Variants in S100A8 observed in about 807,000 individuals in gnomAD.
The protein encoded by S100A8 is S100 calcium binding protein A8, also known as protein S100-A8.
In S100A8, 1 loss-of-function variant was observed where a neutral mutation model predicts 4.2. The observed-to-expected ratio is 0.24, with a 90% CI of 0.08 to 1.12. The LOEUF is 1.12. S100A8 is among the 50% of genes most tolerant of loss of function. The pLI is 0.53. For synonymous variants in S100A8, 41 were observed against 44.7 expected, an observed-to-expected ratio of 0.92 and a Z score of 0.33; for missense variants, 96 against 111.8, an observed-to-expected ratio of 0.86 and a Z score of 0.64.
the S100A8 span, among the ~76,000 whole-genome samples, chr1:153,407,814 T>C: frequency 6.6e-6 from 1 of 152,210 alleles, no homozygotes; most frequent in Non-Finnish European, 1.5e-5. Flanking sequence ...TTCTGCAATA[T>C]TTGCTGTTCT....
At chr1:153,403,870 T>G in the S100A8 span, among the ~76,000 whole-genome samples, 1 of 152,128 alleles carries the variant, frequency 6.6e-6, no homozygotes, top group Non-Finnish European at 1.5e-5. Flanking sequence ...TGATCCTAAC[T>G]ACCAAGAGTT....
the S100A8 span, among the ~76,000 whole-genome samples, chr1:153,400,414 C>T: frequency 0.15 from 22,837 of 151,606 alleles, 2,035 homozygotes; most frequent in African/African-American, 0.26. Context: ...CCAGCCGGCC[C>T]CTTCTACTTG....
At chr1:153,403,965 T>G in the S100A8 span, among the ~76,000 whole-genome samples, 1 of 152,152 alleles carries the variant, frequency 6.6e-6, no homozygotes, top group African/African-American at 2.4e-5. Flanking sequence ...CCGCCCATAC[T>G]TCTGACTGAC....
At chr1:153,406,423 C>T in the S100A8 span, among the ~76,000 whole-genome samples, 1 of 152,062 alleles carries the variant, frequency 6.6e-6, no homozygotes, top group Non-Finnish European at 1.5e-5. Context: ...CGGGCTCTGT[C>T]CCACTCTACT....
At chr1:153,419,142 C>T in the S100A8 span, 4 of 1,612,346 alleles carry the variant, frequency 2.5e-6, no homozygotes, top group Non-Finnish European at 3.4e-6. Flanking sequence ...TTTCTCTTCA[C>T]AGGACAAAAA....
At chr1:153,405,145 C>A in the S100A8 span, among the ~76,000 whole-genome samples, 1 of 151,908 alleles carries the variant, frequency 6.6e-6, no homozygotes, top group Admixed American at 6.6e-5. Flanking sequence ...CCAGCCTCGT[C>A]TTAAAATTGG....
At chr1:153,418,850 C>A in the S100A8 span, among the ~76,000 whole-genome samples, 8 of 152,118 alleles carry the variant, frequency 5.3e-5, no homozygotes, top group Non-Finnish European at 7.4e-5. Flanking sequence ...TGGGAACAGG[C>A]AAGATTGAGG....
At chr1:153,392,422 A>T (rs1662121287), upstream of S100A8, among the ~76,000 whole-genome samples, 1 of 152,224 alleles carries the variant, frequency 6.6e-6, no homozygotes, top group Admixed American at 6.5e-5. Context: ...GGAAAACGGC[A>T]AGTTTGTTCC....
chr1:153,396,139 G>A, the S100A8 span, among the ~76,000 whole-genome samples: 6 of 152,338 alleles, frequency 3.9e-5, no homozygotes, highest in East Asian at 1.2e-3. Flanking sequence ...CAGAGGTGGT[G>A]TCTCTCCCAT....
chr1:153,407,867 G>A, the S100A8 span, among the ~76,000 whole-genome samples: 1 of 152,192 alleles, frequency 6.6e-6, no homozygotes, highest in Non-Finnish European at 1.5e-5. Flanking sequence ...GGTCTGGAGT[G>A]GACCTCCAGC....
chr1:153,394,573 G>A (rs527309412), upstream of S100A8, among the ~76,000 whole-genome samples: 86 of 152,296 alleles, frequency 5.6e-4, 1 homozygote, highest in African/African-American at 2.0e-3. Context: ...GCACAGTGTG[G>A]CAGAAGATGC....
At chr1:153,407,239 G>A in the S100A8 span, among the ~76,000 whole-genome samples, 33 of 152,280 alleles carry the variant, frequency 2.2e-4, no homozygotes, top group African/African-American at 6.7e-4. Flanking sequence ...CGTGACAGAC[G>A]GCACCTGGAA....
chr1:153,407,365 C>T, the S100A8 span, among the ~76,000 whole-genome samples: 2 of 152,236 alleles, frequency 1.3e-5, no homozygotes, highest in African/African-American at 4.8e-5. Flanking sequence ...GAGCCTCGCT[C>T]ACTGCTAGCA....
upstream of S100A8, among the ~76,000 whole-genome samples, chr1:153,395,862 T>C (rs1359240574): frequency 6.6e-6 from 1 of 152,252 alleles, no homozygotes; most frequent in African/African-American, 2.4e-5. Context: ...CTGCTAGAAA[T>C]GCACCTGCCT....
the S100A8 span, chr1:153,422,104 A>G: frequency 6.6e-6 from 1 of 152,246 alleles, no homozygotes; most frequent in Admixed American, 6.5e-5. Context: ...ATCCTGAGAT[A>G]TTGCTGATTT....
chr1:153,412,712 T>C, the S100A8 span, among the ~76,000 whole-genome samples: 3 of 152,088 alleles, frequency 2.0e-5, no homozygotes, highest in Admixed American at 6.5e-5. Flanking sequence ...CTATTCACAA[T>C]AGCAAAGACT....
chr1:153,421,614 C>T, the S100A8 span: 1 of 152,180 alleles, frequency 6.6e-6, no homozygotes, highest in Non-Finnish European at 1.5e-5. Context: ...AATCTGGACC[C>T]CAGAGTCTGG....
Position 153,390,218 on chromosome 1 carries a change from T to A in S100A8, c.167A>T (p.Lys56Ile). Reference sequence around the variant, plus strand: ...ACCATCAGTGTTGATATCCAACTCTTTGAACCAGACGTCTGCACCCTTTTT... The same window carrying A: ...ACCATCAGTGTTGATATCCAACTCTATGAACCAGACGTCTGCACCCTTTTT... ...IRKKGADVWF[K>I]ELDINTDGAV... Residue 56 changes from lysine (K) to isoleucine (I), a missense_variant, in exon 3 of 3, where the codon AAA becomes ATA. Coordinates refer to ENST00000368733, the MANE Select transcript of S100A8 (RefSeq NM_002964.5). 4 of 1,613,508 alleles carry A rather than the reference T, an allele frequency of 2.5e-6. No individual in the cohort carries two copies. Among genetic ancestry groups the A allele is most frequent in the Non-Finnish European group, 3.4e-6 (4 of 1,179,492 alleles).
chr1:153,409,946 A>G, the S100A8 span, among the ~76,000 whole-genome samples: 1 of 152,248 alleles, frequency 6.6e-6, no homozygotes, highest in African/African-American at 2.4e-5. Context: ...ACAAAGACAC[A>G]ACATACCAGA....
Sources: gnomAD v4.1 joint callset for allele counts (sites outside exome capture counted in the v4.1 genomes callset) on GRCh38, gnomAD v4.1.1 for gene constraint, MANE v1.5 for transcripts, NCBI Gene and HGNC (gene_info 2026-07-23, HGNC 2026-07-21) for gene names.